Variants in GZMB observed in about 807,000 individuals in gnomAD.
GZMB encodes granzyme B, also known as T-cell serine protease 1-3E.
Under a neutral mutation model 24.2 loss-of-function variants are expected in GZMB, and 27 were observed. The observed-to-expected ratio is 1.12, with a 90% CI of 0.82 to 1.54. The LOEUF is 1.54. Among genes scored for constraint, GZMB ranks in the 40% most tolerant of loss-of-function variants. GZMB has a pLI of 0.00. For missense variants in GZMB, 336 were observed against 310.1 expected, an observed-to-expected ratio of 1.08 and a Z score of -0.63; for synonymous variants, 121 against 115.1, an observed-to-expected ratio of 1.05 and a Z score of -0.33.
Position 24,631,141 on chromosome 14 carries a change from A to T in GZMB, c.674T>A (p.Met225Lys). ...GACTTTGGTGCAGGCTCGTGGAGGCATGCCATTGTTTCGTCCATAGGAGAC... is the reference window on the plus strand; with the variant it reads ...GACTTTGGTGCAGGCTCGTGGAGGCTTGCCATTGTTTCGTCCATAGGAGAC... ...GIVSYGRNNG[M>K]PPRACTKVSS... Residue 225 changes from methionine (M) to lysine (K), a missense_variant, in exon 5 of 5, where the codon ATG becomes AAG. By Grantham distance (95) the Met-to-Lys change is moderately conservative (BLOSUM62 -1). Coordinates refer to ENST00000216341, the MANE Select transcript of GZMB (RefSeq NM_004131.6). 1 of 1,612,368 alleles carries T rather than the reference A, an allele frequency of 6.2e-7. No homozygotes were observed. The highest frequency in any genetic ancestry group is 8.5e-7 in the Non-Finnish European group (1 of 1,178,400).
chr14:24,631,781 A>C, intron 4 of GZMB, 77 bp downstream of exon 4: 1 of 1,181,060 alleles, frequency 8.5e-7, no homozygotes, highest in Non-Finnish European at 1.3e-6. Context: ...GTCCCCCACT[A>C]CTTGAGTCTC....
intron 4 of GZMB, 89 bp downstream of exon 4, chr14:24,631,769 G>T (rs2066996435): frequency 9.9e-7 from 1 of 1,010,702 alleles, no homozygotes; most frequent in East Asian, 2.4e-5. Flanking sequence ...GTGGGTGAAG[G>T]AGTCCCCCAC....
chr14:24,632,577 T>C lies in GZMB; in HGVS notation c.204-118A>G, dbSNP rs1043705288. 19 of 1,491,882 alleles carry C rather than the reference T, an allele frequency of 1.3e-5. No homozygotes were observed. The East Asian group carries it at 4.3e-4, about 34-fold the overall frequency. 92.4% of individuals were successfully genotyped at this position (1,491,882 alleles called of 1,614,324 possible). A position where few individuals can be genotyped will look rare whatever the true frequency, so the allele number is the denominator to read the frequency against. On this transcript the variant is annotated intron_variant, in intron 2 of 4. Transcript: ENST00000216341. ...AGCTGAGGGGAAATTAAGGGGACAG[T>C]CGGTCCCCAGGAATTGGAATTCTGG...
intron 4 of GZMB, 72 bp from the exon 5 acceptor site, chr14:24,631,286 C>T (rs2066992480): frequency 2.3e-5 from 33 of 1,446,040 alleles, no homozygotes; most frequent in Non-Finnish European, 7.6e-6. Context: ...CTCAAGCCCC[C>T]TTTTAGAAAA....
intron 2 of GZMB, 93 bp from the exon 3 acceptor site, chr14:24,632,552 A>G: frequency 6.3e-7 from 1 of 1,589,438 alleles, no homozygotes. Context: ...GCAGGGCTGC[A>G]GCTGAGGGGA....
rs1941440285 is a variant in GZMB, at chr14:24,631,866, A to T, written c.592T>A (p.Ser198Thr). The T allele has an allele frequency of 6.2e-7, 1 of 1,613,628 alleles. No homozygotes were observed. Among genetic ancestry groups the T allele is most frequent in the South Asian group, 1.1e-5 (1 of 91,082 alleles). Residue 198 changes from serine (S) to threonine (T), a missense_variant, in exon 4 of 5, where the codon TCC (serine) becomes ACC (threonine). Coordinates refer to ENST00000216341, the MANE Select transcript of GZMB (RefSeq NM_004131.6). ...CAGGTGCATAGTCTTACCTTAAAGG[A>T]AGTCTTTTTAATCTCTGGGTCCCCC... ...CVGDPEIKKTSFKGDSGGPLV... is the reference protein window; with the variant it reads ...CVGDPEIKKTTFKGDSGGPLV...
At chr14:24,631,626 G>C in intron 4 of GZMB, 1 of 589,558 alleles carries the variant, frequency 1.7e-6, no homozygotes. Flanking sequence ...GGAGTGGGTG[G>C]AGTGTTGCAA....
rs2066996052 is a variant in GZMB, at chr14:24,631,725, C to T, written c.600+133G>A. ...TTTCTCCCCAGCTCAGTCTAGTCCC[C>T]TCTTCTCTTTCCAGAGAGAAATATC... On this transcript the variant is annotated intron_variant, in intron 4 of 4. Transcript: ENST00000216341. The T allele has an allele frequency of 1.9e-5, 15 of 800,768 alleles. No individual in the cohort carries two copies. In the South Asian group the frequency reaches 2.3e-4, roughly 12 times the overall value. The allele number at this position is 800,768 out of a possible 1,614,324, so 49.6% of individuals were successfully genotyped here.
At position 24,631,110 on chromosome 14, in the gene GZMB, GC is replaced by G. The variant is rs1169609636; in HGVS notation, c.704del (p.Ser235ThrfsTer6). The G allele has an allele frequency of 1.9e-6, 3 of 1,613,250 alleles. No homozygotes were observed. The highest frequency in any genetic ancestry group is 2.5e-6 in the Non-Finnish European group (3 of 1,179,316). On this transcript the variant is annotated frameshift_variant, in exon 5 of 5. Transcript: ENST00000216341. LOFTEE classifies it low-confidence loss of function (END_TRUNC). ...MPPRACTKVS[S>X]FVHWIKKTMK... ...TGGTTTTCTTTATCCAGTGTACAAA[GC>G]TTGAGACTTTGGTGCAGGCTCGTGG...
rs377255382 is a variant in GZMB, at chr14:24,634,119, G to T, written c.42C>A (p.Pro14=). The change falls in exon 1 of 5, where the codon CCC becomes CCA. Residue 14 remains proline, a synonymous_variant. Coordinates refer to ENST00000216341, the MANE Select transcript of GZMB (RefSeq NM_004131.6). ...ILLLLAFLLL[P]RADAGEIIGG... is the part of the protein sequence containing the mutation. ...ACGGTCACTCACCTGCATCTGCCCT[G>T]GGCAGCAGGAGGAAGGCCAGCAGAA... is the stretch of plus-strand genomic sequence containing the variant. The T allele has an allele frequency of 1.3e-6, 2 of 1,594,698 alleles. No individual in the cohort carries two copies. The highest frequency in any genetic ancestry group is 1.7e-6 in the Non-Finnish European group (2 of 1,171,930).
At chr14:24,631,556 A>G in intron 4 of GZMB, 1 of 551,530 alleles carries the variant, frequency 1.8e-6, no homozygotes, top group Non-Finnish European at 3.2e-6. Flanking sequence ...GCCTCTGAAG[A>G]CACACCTGGT....
intron 1 of GZMB, 157 bp downstream of exon 1, chr14:24,633,949 G>T: frequency 1.3e-6 from 1 of 746,010 alleles, no homozygotes; most frequent in Non-Finnish European, 2.4e-6. Flanking sequence ...TGCCATTCCT[G>T]CTGATAGCTT....
At position 24,632,460 on chromosome 14, in the gene GZMB, C is replaced by T; in HGVS notation, c.204-1G>A. 7 of 1,613,368 alleles carry T rather than the reference C, an allele frequency of 4.3e-6. No individual in the cohort carries two copies. Among genetic ancestry groups the T allele is most frequent in the Non-Finnish European group, 5.9e-6 (7 of 1,179,672 alleles). ...GGCCCCCAAGGTGACATTTATGGAG[C>T]TGCACAGAGAGCAGAGTGAGGATGG... On this transcript the variant is annotated splice_acceptor_variant, in intron 2 of 4. Coordinates refer to ENST00000216341, the MANE Select transcript of GZMB (RefSeq NM_004131.6). LOFTEE classifies it high-confidence loss of function.
rs148812799 is a variant in GZMB at position 24,631,071 on chromosome 14, T to C, written c.744A>G (p.Ter248=). ...HWIKKTMKRY[*] ...CGGGGGCTTAGTTTGCTTCCTGTAGTTAGTAGCGTTTCATGGTTTTCTTTA... is the reference window on the plus strand; with the variant it reads ...CGGGGGCTTAGTTTGCTTCCTGTAGCTAGTAGCGTTTCATGGTTTTCTTTA... The change falls in exon 5 of 5, where the codon TAA becomes TAG. Residue 248 remains the stop codon, a stop_retained_variant. Coordinates refer to ENST00000216341, the MANE Select transcript of GZMB (RefSeq NM_004131.6). 1.8e-4 allele frequency: 298 copies of C among 1,612,362 alleles called. No homozygotes were observed. The highest frequency in any genetic ancestry group is 2.4e-4 in the Non-Finnish European group (286 of 1,178,464).
At chr14:24,633,854 GAAAGTCCTACTCTC>G in intron 1 of GZMB, 1 of 563,210 alleles carries the variant, frequency 1.8e-6, no homozygotes, top group Admixed American at 3.0e-5. Context: ...TTACTTCTAG[GAAAGTCCTACTCTC>G]CAGGTGACAA....
chr14:24,632,669 A>G, intron 2 of GZMB: 1 of 857,918 alleles, frequency 1.2e-6, no homozygotes, highest in Non-Finnish European at 1.9e-6. Flanking sequence ...TTCAGTTTGT[A>G]TTCTATGCCA....
chr14:24,632,762 C>A, intron 2 of GZMB, 153 bp downstream of exon 2: 1 of 871,188 alleles, frequency 1.1e-6, no homozygotes, highest in Non-Finnish European at 1.9e-6. Context: ...ACCAACCTTC[C>A]CCTCTCTCCA....
chr14:24,632,599 C>T lies in GZMB; in HGVS notation c.204-140G>A, dbSNP rs1013600377. 3 of 1,338,680 alleles carry T rather than the reference C, an allele frequency of 2.2e-6. No individual in the cohort carries two copies. In the African/African-American group the frequency reaches 4.3e-5, roughly 19 times the overall value. 82.9% of individuals were successfully genotyped at this position (1,338,680 alleles called of 1,614,324 possible). ...CAGTCGGTCCCCAGGAATTGGAATT[C>T]TGGTAATTGCACCAGGTTTCTCAGG... On this transcript the variant is annotated intron_variant, in intron 2 of 4. Coordinates refer to ENST00000216341, the MANE Select transcript of GZMB (RefSeq NM_004131.6).
chr14:24,632,537 C>T, intron 2 of GZMB, 78 bp from the exon 3 acceptor site: 1 of 1,606,174 alleles, frequency 6.2e-7, no homozygotes, highest in Non-Finnish European at 8.5e-7. Context: ...CAGGTGACAG[C>T]TGGGGCAGGG....
Sources: allele counts gnomAD v4.1 joint callset, GRCh38; gene constraint gnomAD v4.1.1; transcripts MANE v1.5; gene names NCBI Gene and HGNC (gene_info 2026-07-23, HGNC 2026-07-21).